HELLS: variants seen among roughly 807,000 people sequenced by gnomAD.
The protein encoded by HELLS is helicase, lymphoid specific, also known as lymphoid-specific helicase.
Under a neutral mutation model 120.0 loss-of-function variants are expected in HELLS, and 32 were observed. The ratio of observed to expected loss-of-function variants is 0.27; its 90% CI spans 0.20 to 0.36. The LOEUF (loss-of-function observed/expected upper bound fraction) is 0.36, where lower values mean the gene tolerates loss of function less well. Among genes scored for constraint, HELLS ranks in the 10% least tolerant of loss-of-function variants. HELLS has a pLI of 1.00. For synonymous variants in HELLS, 341 were observed against 323.4 expected, an observed-to-expected ratio of 1.05 and a Z score of -0.58; for missense variants, 650 against 993.4, an observed-to-expected ratio of 0.65 and a Z score of 4.65.
intron 13 of HELLS, 28 bp downstream of exon 13, chr10:94,588,418 A>G (rs1845288643): frequency 6.8e-7 from 1 of 1,477,090 alleles, no homozygotes; most frequent in South Asian, 1.4e-5. Context: ...TGTACTGTAA[A>G]TGAAACTTGA....
chr10:94,587,674 G>T (rs1009102135), intron 12 of HELLS, among the ~76,000 whole-genome samples: 1 of 152,170 alleles, frequency 6.6e-6, no homozygotes, highest in South Asian at 2.1e-4. Context: ...TGATTCACCC[G>T]TCTTGGCCTC....
intron 15 of HELLS, 33 bp from the exon 16 acceptor site, chr10:94,592,196 T>G (rs1284440955): frequency 1.5e-5 from 22 of 1,465,438 alleles, no homozygotes; most frequent in Non-Finnish European, 2.1e-5. Flanking sequence ...AACAGTTTTC[T>G]CTCTATTTTT....
downstream of HELLS, among the ~76,000 whole-genome samples, chr10:94,604,344 C>T (rs1028221973): frequency 6.6e-6 from 1 of 151,958 alleles, no homozygotes; most frequent in Non-Finnish European, 1.5e-5. Context: ...AGGCTGGTCT[C>T]GAACTCCTCA....
intron 2 of HELLS, among the ~76,000 whole-genome samples, chr10:94,553,150 G>A (rs146430535): frequency 6.6e-6 from 1 of 152,014 alleles, no homozygotes; most frequent in East Asian, 1.9e-4. Context: ...TTTTTATGAG[G>A]GTCAAGTGCA....
intron 15 of HELLS, among the ~76,000 whole-genome samples, chr10:94,591,076 A>G (rs890119037): frequency 1.3e-5 from 2 of 152,136 alleles, no homozygotes; most frequent in African/African-American, 2.4e-5. Context: ...TTCTCAGGCA[A>G]TCCTGCCTCA....
At chr10:94,588,064 A>G (rs1845267707) in intron 12 of HELLS, among the ~76,000 whole-genome samples, 165 bp from the exon 13 acceptor site, 2 of 152,174 alleles carry the variant, frequency 1.3e-5, no homozygotes, top group Non-Finnish European at 2.9e-5. Flanking sequence ...TGAGTTTATC[A>G]TTTGGTCTGG....
At chr10:94,586,225 A>G (rs991640534) in intron 12 of HELLS, among the ~76,000 whole-genome samples, 1 of 151,948 alleles carries the variant, frequency 6.6e-6, no homozygotes, top group African/African-American at 2.4e-5. Flanking sequence ...GGTTCACGCT[A>G]TTCTCCTGCC....
chr10:94,584,069 T>G (rs1405896907), intron 12 of HELLS: 2 of 1,391,826 alleles, frequency 1.4e-6, no homozygotes, highest in Non-Finnish European at 1.9e-6. Context: ...AAAAGATTTA[T>G]ATGATATACG....
intron 10 of HELLS, 80 bp downstream of exon 10, chr10:94,576,885 G>T: frequency 7.7e-7 from 1 of 1,303,346 alleles, no homozygotes; most frequent in South Asian, 1.5e-5. Context: ...CACCATCTGG[G>T]AGCATTTGTC....
chr10:94,574,226 A>G, intron 8 of HELLS, 39 bp downstream of exon 8: 1 of 1,299,972 alleles, frequency 7.7e-7, no homozygotes, highest in Non-Finnish European at 1.1e-6. Context: ...TACTGGTTTT[A>G]TTTCTATAGT....
intron 14 of HELLS, 38 bp downstream of exon 14, chr10:94,590,590 T>C: frequency 1.2e-6 from 2 of 1,609,716 alleles, no homozygotes; most frequent in Non-Finnish European, 1.7e-6. Context: ...TTCTTTAAAC[T>C]GTGACCATTT....
At chr10:94,546,268 C>A in intron 1 of HELLS, 109 bp from the exon 2 acceptor site, 2 of 1,353,804 alleles carry the variant, frequency 1.5e-6, no homozygotes, top group East Asian at 2.3e-5. Flanking sequence ...CCTCGGTCTT[C>A]AGCTTTTGCT....
At chr10:94,604,071 C>T (rs1401250904), downstream of HELLS, among the ~76,000 whole-genome samples, 1 of 150,904 alleles carries the variant, frequency 6.6e-6, no homozygotes, top group Non-Finnish European at 1.5e-5. Flanking sequence ...TGTGATCTGC[C>T]CGCCTTGGCC....
At chr10:94,547,009 CT>C (rs1227763991) in intron 2 of HELLS, among the ~76,000 whole-genome samples, 3 of 152,110 alleles carry the variant, frequency 2.0e-5, no homozygotes, top group African/African-American at 7.2e-5. Flanking sequence ...GTTTGTTTTT[CT>C]TTTGGTTTCA....
intron 6 of HELLS, among the ~76,000 whole-genome samples, chr10:94,565,360 GA>G (rs1310156152): frequency 1.3e-5 from 2 of 151,442 alleles, no homozygotes; most frequent in Non-Finnish European, 1.5e-5. Flanking sequence ...AGGGTCCACT[GA>G]AATTCATTAT....
chr10:94,555,531 A>C (rs1258786853), intron 3 of HELLS, among the ~76,000 whole-genome samples: 3 of 152,262 alleles, frequency 2.0e-5, no homozygotes, highest in Admixed American at 2.0e-4. Flanking sequence ...AGGATGGCGC[A>C]TCCAGAAAAG....
At chr10:94,570,709 C>G (rs1844102014) in intron 6 of HELLS, 1 of 151,974 alleles carries the variant, frequency 6.6e-6, no homozygotes. Context: ...TCCCTACCAG[C>G]AGCATCTAGT....
At chr10:94,610,279 A>T (rs374067053) in exon 10 of HELLS, 31 of 152,202 alleles carry the variant, frequency 2.0e-4, no homozygotes, top group African/African-American at 7.0e-4. Flanking sequence ...GGATTAAAAA[A>T]AATACTGTTT....
intron 18 of HELLS, among the ~76,000 whole-genome samples, chr10:94,593,893 T>C (rs1469803518): frequency 6.6e-6 from 1 of 151,796 alleles, no homozygotes; most frequent in African/African-American, 2.4e-5. Context: ...AATCCTGACC[T>C]CAGGTGATCC....
Sources: allele counts gnomAD v4.1 joint callset (sites outside exome capture counted in the v4.1 genomes callset), GRCh38; gene constraint gnomAD v4.1.1; transcripts MANE v1.5; gene names NCBI Gene and HGNC (gene_info 2026-07-23, HGNC 2026-07-21).